The following CABP2 variants were observed in gnomAD, a reference collection of about 807,000 sequenced individuals.
CABP2 encodes calcium-binding protein 2.
Under a neutral mutation model 28.6 loss-of-function variants are expected in CABP2, and 25 were observed. The ratio of observed to expected loss-of-function variants is 0.87; its 90% CI spans 0.64 to 1.22. The LOEUF is 1.22. CABP2 is among the 50% of genes most tolerant of loss of function. The pLI is 0.00. For missense variants in CABP2, 310 were observed against 312.2 expected (o/e 0.99, Z 0.05); for synonymous variants, 138 against 126.0 (o/e 1.09, Z -0.64).
In CABP2 at chr11:67,521,990, G is replaced by A. The variant is rs150573159; in HGVS notation, c.214-8C>T. ...GGGCCGCAGCTCCCGGTCCTGAAGG[G>A]CACAGAGGGGTTAGGAATTCCCTGC... On this transcript the variant is annotated splice_region_variant and splice_polypyrimidine_tract_variant and intron_variant, in intron 2 of 6. Coordinates refer to ENST00000294288, the MANE Select transcript of CABP2 (RefSeq NM_016366.3). 1.2e-5 allele frequency: 19 copies of A among 1,612,152 alleles called. No individual in the cohort carries two copies. The East Asian group carries it at 1.8e-4, about 15-fold the overall frequency.
rs1866729360 is a variant in CABP2 at position 67,520,312 on chromosome 11, C to T, written c.380-152G>A. 8.2e-6 allele frequency: 5 copies of T among 608,414 alleles called. No homozygotes were observed. In the Admixed American group the frequency reaches 8.6e-5, roughly 11 times the overall value. The allele number at this position is 608,414 out of a possible 1,614,324, so 37.7% of individuals were successfully genotyped here. On this transcript the variant is annotated intron_variant, in intron 4 of 6. Coordinates refer to ENST00000294288, the MANE Select transcript of CABP2 (RefSeq NM_016366.3). ...GTCATCTGTATTTCCCAATGGGAATCGCCCTCCAAACAAGGCACAGATTTG... is the reference window on the plus strand; with the variant it reads ...GTCATCTGTATTTCCCAATGGGAATTGCCCTCCAAACAAGGCACAGATTTG...
intron 5 of CABP2, 23 bp downstream of exon 5, chr11:67,520,028 G>A (rs759055794): frequency 5.6e-6 from 9 of 1,605,864 alleles, no homozygotes; most frequent in South Asian, 2.2e-5. Context: ...AGCCCTGCCC[G>A]CCCTCAGCCC....
Position 67,522,708 on chromosome 11 carries a change from C to A in CABP2, c.51G>T (p.Leu17Phe), listed in dbSNP as rs1206683232. Reference sequence around the variant, plus strand: ...CCCTTGGTGGGGAGCCGAGCCACTGCAAGGGGTCCTGCAGCAGAGCCGGCC... The same window carrying A: ...CCCTTGGTGGGGAGCCGAGCCACTGAAAGGGGTCCTGCAGCAGAGCCGGCC... The part of the protein sequence containing the change: ...RPWRRGPKDP[L>F]QWLGSPPRGS... Residue 17 changes from leucine (L) to phenylalanine (F), a missense_variant, in exon 2 of 7, where the codon TTG becomes TTT. Transcript: ENST00000294288. The A allele has an allele frequency of 6.7e-7, 1 of 1,499,894 alleles. No homozygotes were observed. The highest frequency in any genetic ancestry group is 1.3e-5 in the South Asian group (1 of 77,824). The allele number at this position is 1,499,894 out of a possible 1,614,324, so 92.9% of individuals were successfully genotyped here.
At chr11:67,521,307 G>C in intron 3 of CABP2, 148 bp from the exon 4 acceptor site, 1 of 785,138 alleles carries the variant, frequency 1.3e-6, no homozygotes, top group South Asian at 1.9e-5. Flanking sequence ...TGCTGTTCCT[G>C]TTATTTGTTC....
At position 67,519,895 on chromosome 11, in the gene CABP2, C is replaced by G; in HGVS notation, c.535G>C (p.Ala179Pro). 1 of 1,612,636 alleles carries G rather than the reference C, an allele frequency of 6.2e-7. No homozygotes were observed. ...TCCCCCAGCAGGGCCTTGAGGGCCG[C>G]CCGGAGCTCGCCCACGCTGATGCGG... ...DGRISVGELR[A>P]ALKALLGERL... The change falls in exon 6 of 7, where the codon GCG (alanine) becomes CCG (proline). Residue 179 changes from alanine (A) to proline (P), a missense_variant. Physicochemically the swap from Ala to Pro is conservative, Grantham distance 27. Transcript: ENST00000294288.
chr11:67,521,219 G>A (rs914840891), intron 3 of CABP2, 60 bp from the exon 4 acceptor site: 50 of 1,548,288 alleles, frequency 3.2e-5, no homozygotes, highest in African/African-American at 3.1e-4. Context: ...GCCTGGACCC[G>A]CCTACCCTTC....
intron 3 of CABP2, 53 bp downstream of exon 3, chr11:67,521,899 G>GC (rs1866752456): frequency 3.3e-6 from 1 of 305,030 alleles, no homozygotes. Flanking sequence ...CCCACCCCAT[G>GC]CCCCCCATGC....
At chr11:67,519,747 C>T (rs1866713221) in intron 6 of CABP2, 46 bp downstream of exon 6, 9 of 1,602,622 alleles carry the variant, frequency 5.6e-6, no homozygotes, top group Admixed American at 1.7e-5. Context: ...TTCTTATCTG[C>T]TAGGACCCTT....
At chr11:67,520,922 G>T in intron 4 of CABP2, 103 bp downstream of exon 4, 1 of 1,269,954 alleles carries the variant, frequency 7.9e-7, no homozygotes, top group Non-Finnish European at 1.1e-6. Context: ...ATGGGCTCTG[G>T]GGACAGCCTG....
At chr11:67,523,194 G>T in intron 1 of CABP2, 91 bp downstream of exon 1, 2 of 766,634 alleles carry the variant, frequency 2.6e-6, no homozygotes, top group South Asian at 1.5e-5. Flanking sequence ...CCCCAACCCC[G>T]CCCGGCCCTC....
chr11:67,521,168 C>A lies in CABP2; in HGVS notation c.245-9G>T. The A allele has an allele frequency of 6.2e-7, 1 of 1,610,794 alleles. No homozygotes were observed. Among genetic ancestry groups the A allele is most frequent in the South Asian group, 1.1e-5 (1 of 91,038 alleles). ...GAAGGCGACCTGCAGCTCTGCCAGG[C>A]AGGGTGGGGTCAGTCCTTCCCCCAC... On this transcript the variant is annotated splice_polypyrimidine_tract_variant and intron_variant, in intron 3 of 6. Transcript: ENST00000294288.
At chr11:67,519,721 A>ACT in intron 6 of CABP2, 72 bp downstream of exon 6, 2 of 1,483,094 alleles carry the variant, frequency 1.3e-6, no homozygotes, top group Non-Finnish European at 1.9e-6. Context: ...CCCAGTGGTG[A>ACT]CTCTTGCTGT....
intron 6 of CABP2, 101 bp downstream of exon 6, chr11:67,519,692 C>T (rs1476221362): frequency 6.2e-6 from 7 of 1,122,290 alleles, no homozygotes; most frequent in Admixed American, 1.9e-5. Flanking sequence ...CATGGGAGTG[C>T]GTGGCACAGG....
rs561003333 is a variant in CABP2, at chr11:67,522,553, G to C, written c.206C>G (p.Thr69Ser). ...CIFLRPSIAA[T>S]QLDRELRPEE... The stretch of plus-strand genomic sequence containing the variant: ...GCGGGTGGCCGTACATACGAGTTGG[G>C]TGGCGGCAATGCTGGGCCGCAGGAA... Residue 69 changes from threonine (T) to serine (S), a missense_variant, in exon 2 of 7, where the codon ACC becomes AGC. Thr to Ser is a moderately conservative substitution (Grantham distance 58). Transcript: ENST00000294288. 7 of 1,554,818 alleles carry C rather than the reference G, an allele frequency of 4.5e-6. No individual in the cohort carries two copies. Among genetic ancestry groups the C allele is most frequent in the Non-Finnish European group, 6.1e-6 (7 of 1,148,918 alleles).
chr11:67,523,077 A>G (rs919657531), intron 1 of CABP2, among the ~76,000 whole-genome samples: 2 of 152,024 alleles, frequency 1.3e-5, no homozygotes, highest in Non-Finnish European at 2.9e-5. Context: ...CAGCTGGGGG[A>G]CCTGGAGCCT....
intron 2 of CABP2, 47 bp from the exon 3 acceptor site, chr11:67,522,029 T>C (rs766960942): frequency 1.3e-6 from 2 of 1,579,990 alleles, no homozygotes; most frequent in East Asian, 4.5e-5. Flanking sequence ...TACTGATGAC[T>C]GTGCCCTTCC....
Position 67,519,903 on chromosome 11 carries a change from T to G in CABP2, c.527A>C (p.Glu176Ala). 2.5e-6 allele frequency: 4 copies of G among 1,611,874 alleles called. No individual in the cohort carries two copies. Among genetic ancestry groups the G allele is most frequent in the Non-Finnish European group, 3.4e-6 (4 of 1,179,820 alleles). The change falls in exon 6 of 7, where the codon GAG becomes GCG. Residue 176 changes from glutamate to alanine, a missense_variant. Physicochemically the swap from Glu to Ala is moderately radical, Grantham distance 107. Coordinates refer to ENST00000294288, the MANE Select transcript of CABP2 (RefSeq NM_016366.3). ...TNGDGRISVG[E>A]LRAALKALLG... is the part of the protein sequence containing the mutation. ...CAGGGCCTTGAGGGCCGCCCGGAGC[T>G]CGCCCACGCTGATGCGGCCGTCCCC...
chr11:67,522,014 G>A (rs373352152), intron 2 of CABP2, 32 bp from the exon 3 acceptor site: 1 of 1,603,706 alleles, frequency 6.2e-7, no homozygotes, highest in African/African-American at 1.3e-5. Flanking sequence ...GGAATTCCCT[G>A]CTCCTACTGA....
In CABP2 at chr11:67,519,899, G is replaced by A. The variant is rs754596713; in HGVS notation, c.531C>T (p.Leu177=). ...NGDGRISVGE[L]RAALKALLGE... ...CCAGCAGGGCCTTGAGGGCCGCCCGGAGCTCGCCCACGCTGATGCGGCCGT... is the reference window on the plus strand; with the variant it reads ...CCAGCAGGGCCTTGAGGGCCGCCCGAAGCTCGCCCACGCTGATGCGGCCGT... The change falls in exon 6 of 7, where the codon CTC becomes CTT. Residue 177 remains leucine, a synonymous_variant. Coordinates refer to ENST00000294288, the MANE Select transcript of CABP2 (RefSeq NM_016366.3). The A allele has an allele frequency of 6.2e-7, 1 of 1,612,342 alleles. No homozygotes were observed. The highest frequency in any genetic ancestry group is 1.7e-5 in the Admixed American group (1 of 59,996).
Sources: allele counts gnomAD v4.1 joint callset (sites outside exome capture counted in the v4.1 genomes callset), GRCh38; gene constraint gnomAD v4.1.1; transcripts MANE v1.5; gene names NCBI Gene and HGNC (gene_info 2026-07-23, HGNC 2026-07-21).